KDM2B: variants seen among roughly 807,000 people sequenced by gnomAD.
KDM2B encodes lysine-specific demethylase 2B.
A neutral mutation model predicts 150.0 loss-of-function variants in KDM2B; 26 were observed. The ratio of observed to expected loss-of-function variants is 0.17; its 90% CI spans 0.13 to 0.24. The LOEUF (loss-of-function observed/expected upper bound fraction) is 0.24. Ranked by LOEUF, KDM2B falls within the 10% of genes least tolerant of loss-of-function variation. KDM2B has a pLI of 1.00. For synonymous variants in KDM2B, 734 were observed against 729.5 expected (o/e 1.01, Z -0.10); for missense variants, 1,265 against 1,816.9 (o/e 0.70, Z 5.52).
At chr12:121,454,010 G>A (rs561450690) in intron 12 of KDM2B, among the ~76,000 whole-genome samples, 16 of 152,008 alleles carry the variant, frequency 1.1e-4, no homozygotes, top group Admixed American at 3.9e-4. Context: ...CCCCCAGCCC[G>A]GAAGGCCAAC....
chr12:121,544,375 C>T (rs1555310270), intron 6 of KDM2B, among the ~76,000 whole-genome samples: 1 of 152,186 alleles, frequency 6.6e-6, no homozygotes, highest in Non-Finnish European at 1.5e-5. Context: ...CTTTGGGAAG[C>T]CAAGGCAGGT....
intron 6 of KDM2B, among the ~76,000 whole-genome samples, chr12:121,548,370 G>T (rs369794472): frequency 2.6e-5 from 4 of 152,330 alleles, no homozygotes; most frequent in African/African-American, 9.6e-5. Flanking sequence ...TGAGCAGGTG[G>T]CCCCTGGACT....
At chr12:121,551,412 C>T (rs546010846) in intron 4 of KDM2B, among the ~76,000 whole-genome samples, 3 of 150,040 alleles carry the variant, frequency 2.0e-5, no homozygotes, top group Non-Finnish European at 3.0e-5. Flanking sequence ...ATGGCACGAT[C>T]GTGGCTCACT....
chr12:121,505,979 G>A (rs1475170556), intron 11 of KDM2B, among the ~76,000 whole-genome samples: 1 of 152,144 alleles, frequency 6.6e-6, no homozygotes, highest in Non-Finnish European at 1.5e-5. Context: ...CACCCTGAAA[G>A]TCAGTCCTGG....
chr12:121,417,457 C>T, the KDM2B span: 1 of 1,515,494 alleles, frequency 6.6e-7, no homozygotes, highest in Non-Finnish European at 8.9e-7. The surrounding 1 kb of genome is among the most constrained non-coding windows in gnomAD (Gnocchi z 5.0). Context: ...CTCATGCTTT[C>T]ATAATGGTTT....
intron 13 of KDM2B, 107 bp from the exon 14 acceptor site, chr12:121,445,525 A>AC: frequency 8.4e-7 from 1 of 1,191,860 alleles, no homozygotes; most frequent in Non-Finnish European, 1.1e-6. Context: ...CTGCCAGGAG[A>AC]CCCCCGGAAA....
the KDM2B span, among the ~76,000 whole-genome samples, chr12:121,419,149 A>G: frequency 2.0e-5 from 3 of 152,200 alleles, no homozygotes; most frequent in Admixed American, 1.3e-4. Context: ...TTATAATACC[A>G]TATTTTTATT....
At chr12:121,426,518 C>T (rs1872520404), downstream of KDM2B, among the ~76,000 whole-genome samples, 1 of 146,834 alleles carries the variant, frequency 6.8e-6, no homozygotes, top group South Asian at 2.2e-4. Context: ...ATGATCATAG[C>T]TCACTACAGT....
chr12:121,560,945 G>A (rs918411968), intron 4 of KDM2B, among the ~76,000 whole-genome samples: 2 of 152,286 alleles, frequency 1.3e-5, no homozygotes, highest in Non-Finnish European at 1.5e-5. Flanking sequence ...CCACACTGCT[G>A]GGGCTCTCGG....
chr12:121,423,513 C>T, the KDM2B span: 1 of 1,614,094 alleles, frequency 6.2e-7, no homozygotes, highest in Non-Finnish European at 8.5e-7. The surrounding 1 kb of genome is among the most constrained non-coding windows in gnomAD (Gnocchi z 4.3). Context: ...GCGGCAAGCG[C>T]ATGAGTGAGT....
intron 22 of KDM2B, among the ~76,000 whole-genome samples, chr12:121,433,836 G>C (rs1455264538): frequency 6.6e-6 from 1 of 152,098 alleles, no homozygotes; most frequent in African/African-American, 2.4e-5. Context: ...TTGAACCCAG[G>C]AGTATGATTC....
chr12:121,446,911 A>G lies in KDM2B; in HGVS notation c.1960-1493T>C, dbSNP rs113707763. On this transcript the variant is annotated intron_variant, in intron 13 of 22. Coordinates refer to ENST00000377071, the MANE Select transcript of KDM2B (RefSeq NM_032590.5). ...AAAATCCGCCTAACTCAGGGAGCCA[A>G]TATTTTCCAGATGACCAATACATGG... Among the ~76,000 whole-genome samples, 765 of 152,352 alleles carry G rather than the reference A, an allele frequency of 5.0e-3. 4 individuals are homozygous for G. The highest frequency in any genetic ancestry group is 0.016 in the African/African-American group (680 of 41,574).
rs1555288976 is a variant in KDM2B at position 121,442,941 on chromosome 12, G to A, written c.2604+51C>T. 3.1e-6 allele frequency: 5 copies of A among 1,606,580 alleles called. No individual in the cohort carries two copies. Among genetic ancestry groups the A allele is most frequent in the African/African-American group, 2.7e-5 (2 of 74,786 alleles). On this transcript the variant is annotated intron_variant, in intron 18 of 22. Transcript: ENST00000377071. The surrounding 1 kb of genome is among the most constrained non-coding windows in gnomAD (Gnocchi z 7.7). ...GGACTGTGGCCCAGGGAGCTGCGGTGCAGCTCTAACCGCTCAGGCCTGGGG... is the reference window on the plus strand; with the variant it reads ...GGACTGTGGCCCAGGGAGCTGCGGTACAGCTCTAACCGCTCAGGCCTGGGG...
chr12:121,416,634 T>C, the KDM2B span: 59 of 326,096 alleles, frequency 1.8e-4, no homozygotes, highest in African/African-American at 1.0e-3. Flanking sequence ...TTTTCTATTA[T>C]GTTTATTTCC....
At chr12:121,506,069 GCGCACTCAT>G (rs746474722) in intron 11 of KDM2B, among the ~76,000 whole-genome samples, 1,998 of 152,136 alleles carry the variant, frequency 0.013, 22 homozygotes, top group South Asian at 0.027. Flanking sequence ...GAGTGCAGTG[GCGCACTCAT>G]AGTTCACTGT....
chr12:121,507,000 G>C (rs575538223), intron 11 of KDM2B, among the ~76,000 whole-genome samples: 2 of 151,920 alleles, frequency 1.3e-5, no homozygotes, highest in African/African-American at 4.8e-5. Context: ...GGGAGGCTGA[G>C]GCAGGAGAAT....
intron 4 of KDM2B, among the ~76,000 whole-genome samples, chr12:121,559,602 A>T (rs1252012284): frequency 6.6e-6 from 1 of 152,104 alleles, no homozygotes; most frequent in Non-Finnish European, 1.5e-5. Flanking sequence ...AAAGAGACTT[A>T]AAATGCAGCT....
intron 4 of KDM2B, among the ~76,000 whole-genome samples, chr12:121,573,844 C>T (rs1393869899): frequency 1.3e-5 from 2 of 151,478 alleles, no homozygotes; most frequent in Non-Finnish European, 2.9e-5. Flanking sequence ...GCCTCGGCCT[C>T]CCAAAGTGCT....
Position 121,513,520 on chromosome 12 carries a change from G to C in KDM2B, c.1048-118C>G. On this transcript the variant is annotated intron_variant, in intron 9 of 22. Transcript: ENST00000377071. This position sits in a 1 kb window ranked among gnomAD's most constrained non-coding sequence, Gnocchi z 5.0. ...AGGGTCACTGTCATCATCTTAGCGAGAGCATGGATGGTCGGGGGAGAAATG... is the reference window on the plus strand; with the variant it reads ...AGGGTCACTGTCATCATCTTAGCGACAGCATGGATGGTCGGGGGAGAAATG... 1 of 1,133,580 alleles carries C rather than the reference G, an allele frequency of 8.8e-7. No individual in the cohort carries two copies. Among genetic ancestry groups the C allele is most frequent in the Non-Finnish European group, 1.3e-6 (1 of 781,564 alleles). 70.2% of individuals were successfully genotyped at this position (1,133,580 alleles called of 1,614,324 possible). A position where few individuals can be genotyped will look rare whatever the true frequency, so the allele number is the denominator to read the frequency against.
Sources: allele counts gnomAD v4.1 joint callset (sites outside exome capture counted in the v4.1 genomes callset), GRCh38; gene constraint gnomAD v4.1.1; non-coding constraint Gnocchi (gnomAD v3.1); transcripts MANE v1.5; gene names NCBI Gene and HGNC (gene_info 2026-07-23, HGNC 2026-07-21).